Variants in BNC2 observed in about 807,000 individuals in gnomAD.
The protein encoded by BNC2 is zinc finger protein basonuclin-2.
BNC2 carries 20 observed loss-of-function variants against 76.3 expected under a neutral mutation model. The observed-to-expected ratio is 0.26, with a 90% CI of 0.18 to 0.38. The LOEUF (loss-of-function observed/expected upper bound fraction) is 0.38, where lower values mean the gene tolerates loss of function less well. Among genes scored for constraint, BNC2 ranks in the 10% least tolerant of loss-of-function variants. The probability of loss-of-function intolerance (pLI) is 1.00; values close to 1 mark genes in which losing one functional copy is unlikely to be tolerated. For synonymous variants in BNC2, 582 were observed against 514.8 expected (o/e 1.13, Z -1.77); for missense variants, 1,382 against 1,399.8 (o/e 0.99, Z 0.20).
At chr9:16,455,851 G>T (rs116778583) in intron 5 of BNC2, among the ~76,000 whole-genome samples, 1 of 151,614 alleles carries the variant, frequency 6.6e-6, no homozygotes, top group Admixed American at 6.6e-5. Flanking sequence ...AATATAAAAG[G>T]CTTTCACTTA....
intron 1 of BNC2, among the ~76,000 whole-genome samples, chr9:16,797,957 G>A (rs1225643904): frequency 6.6e-6 from 1 of 152,150 alleles, no homozygotes; most frequent in Admixed American, 6.5e-5. Flanking sequence ...CTGATCCCAT[G>A]TATTAAGTTA....
chr9:16,650,029 C>G (rs969182479), intron 3 of BNC2, among the ~76,000 whole-genome samples: 2 of 152,152 alleles, frequency 1.3e-5, no homozygotes, highest in Admixed American at 6.5e-5. Context: ...AAGCTTAGAC[C>G]TGCAGTCAGC....
intron 5 of BNC2, among the ~76,000 whole-genome samples, chr9:16,450,655 C>G (rs1156686147): frequency 6.6e-6 from 1 of 152,222 alleles, no homozygotes; most frequent in Non-Finnish European, 1.5e-5. Context: ...GATGATAAAG[C>G]TGTTTGGTAG....
At chr9:16,428,162 G>GCT (rs1477868421) in intron 6 of BNC2, among the ~76,000 whole-genome samples, 1 of 152,038 alleles carries the variant, frequency 6.6e-6, no homozygotes, top group African/African-American at 2.4e-5. Context: ...GAACAAAAGT[G>GCT]CTCTCTCTCT....
chr9:16,486,745 A>G (rs1822172145), intron 5 of BNC2, among the ~76,000 whole-genome samples: 1 of 151,962 alleles, frequency 6.6e-6, no homozygotes, highest in South Asian at 2.1e-4. Context: ...TTTTTGGTAG[A>G]GACAGGGTCT....
intron 4 of BNC2, among the ~76,000 whole-genome samples, chr9:16,560,880 C>A (rs1230223792): frequency 6.6e-6 from 1 of 152,178 alleles, no homozygotes; most frequent in South Asian, 2.1e-4. Context: ...ACTGGATGAA[C>A]CTTGGCCACA....
Position 16,431,381 on chromosome 9 carries a change from A to T in BNC2, c.2639+4174T>A, listed in dbSNP as rs1199194311. On this transcript the variant is annotated intron_variant, in intron 6 of 6. Coordinates refer to ENST00000380672, the MANE Select transcript of BNC2 (RefSeq NM_017637.6). ...AAATCAAGTCAGAGTATGAGAAATGATGAAAGGTAAATTACACCCACCAGC... is the reference window on the plus strand; with the variant it reads ...AAATCAAGTCAGAGTATGAGAAATGTTGAAAGGTAAATTACACCCACCAGC... 5 of 444,744 alleles carry T rather than the reference A, an allele frequency of 1.1e-5. No individual in the cohort carries two copies. In the East Asian group the frequency reaches 3.6e-4, roughly 32 times the overall value. 27.5% of individuals were successfully genotyped at this position (444,744 alleles called of 1,614,324 possible).
chr9:16,440,541 T>C (rs1034996219), intron 5 of BNC2, among the ~76,000 whole-genome samples: 1 of 152,196 alleles, frequency 6.6e-6, no homozygotes, highest in Non-Finnish European at 1.5e-5. Flanking sequence ...TACCTAAATC[T>C]ACATGTCAGT....
chr9:16,846,821 G>C (rs1362107821), intron 1 of BNC2, among the ~76,000 whole-genome samples: 1 of 152,184 alleles, frequency 6.6e-6, no homozygotes, highest in South Asian at 2.1e-4. Flanking sequence ...TGAAAACTTT[G>C]AGTAAAAAGA....
intron 3 of BNC2, among the ~76,000 whole-genome samples, chr9:16,671,600 T>C (rs866413340): frequency 5.9e-5 from 9 of 152,278 alleles, no homozygotes; most frequent in East Asian, 1.9e-4. Flanking sequence ...ACTTCCAAAA[T>C]AGAAACTGGA....
intron 1 of BNC2, chr9:16,868,022 C>G (rs1490033237): frequency 2.0e-5 from 3 of 152,180 alleles, no homozygotes; most frequent in Non-Finnish European, 2.9e-5. Context: ...GAATCATATC[C>G]TGCTGCTGAC....
chr9:16,803,096 T>C (rs1450980829), intron 1 of BNC2, among the ~76,000 whole-genome samples: 1 of 152,186 alleles, frequency 6.6e-6, no homozygotes, highest in African/African-American at 2.4e-5. Flanking sequence ...AGTTTTCCTA[T>C]ATTCCTAAAC....
chr9:16,764,987 C>T (rs947311627), intron 1 of BNC2, among the ~76,000 whole-genome samples: 2 of 152,050 alleles, frequency 1.3e-5, no homozygotes, highest in South Asian at 2.1e-4. Flanking sequence ...ATACGAAACC[C>T]GCTGTGGCAT....
intron 3 of BNC2, among the ~76,000 whole-genome samples, chr9:16,647,718 AAT>A (rs1444006850): frequency 2.0e-5 from 3 of 152,170 alleles, no homozygotes; most frequent in Non-Finnish European, 2.9e-5. Context: ...GAGATTCATC[AAT>A]ATGTGTATTC....
intron 4 of BNC2, chr9:16,579,827 T>C (rs1819582611): frequency 3.2e-6 from 1 of 313,582 alleles, no homozygotes; most frequent in East Asian, 5.2e-5. Flanking sequence ...AGAAAGGAGG[T>C]CAACAAATTT....
At chr9:16,486,486 C>T (rs944721208) in intron 5 of BNC2, among the ~76,000 whole-genome samples, 2 of 152,206 alleles carry the variant, frequency 1.3e-5, no homozygotes, top group East Asian at 1.9e-4. Flanking sequence ...TTATTATCCT[C>T]CCAGTACTAT....
intron 5 of BNC2, among the ~76,000 whole-genome samples, chr9:16,504,436 C>T (rs1211635143): frequency 6.6e-6 from 1 of 151,306 alleles, no homozygotes; most frequent in Non-Finnish European, 1.5e-5. Context: ...CTTCATGAAC[C>T]TCTGTGACAT....
chr9:16,494,976 T>TAATAA (rs531408931), intron 5 of BNC2, among the ~76,000 whole-genome samples: 36 of 152,108 alleles, frequency 2.4e-4, no homozygotes, highest in African/African-American at 8.7e-4. Flanking sequence ...ACTTAAAGTA[T>TAATAA]AATAAAATAA....
chr9:16,632,371 A>T (rs1235804340), intron 3 of BNC2, among the ~76,000 whole-genome samples: 5 of 152,140 alleles, frequency 3.3e-5, no homozygotes, highest in Non-Finnish European at 5.9e-5. Context: ...CAAACAAAAA[A>T]ACTGGCATAG....
Sources: gnomAD v4.1 joint callset for allele counts (sites outside exome capture counted in the v4.1 genomes callset) on GRCh38, gnomAD v4.1.1 for gene constraint, MANE v1.5 for transcripts, NCBI Gene and HGNC (gene_info 2026-07-23, HGNC 2026-07-21) for gene names.